COL5A1: variants seen among roughly 807,000 people sequenced by gnomAD.
The protein encoded by COL5A1 is collagen type V alpha 1 chain.
COL5A1 carries 16 observed loss-of-function variants against 263.7 expected under a neutral mutation model. That is an observed-to-expected ratio of 0.06 (90% confidence interval 0.04 to 0.09). The LOEUF is 0.09. Ranked by LOEUF, COL5A1 falls within the 10% of genes least tolerant of loss-of-function variation. The probability of loss-of-function intolerance (pLI) is 1.00; values close to 1 mark genes in which losing one functional copy is unlikely to be tolerated. For missense variants in COL5A1, 2,036 were observed against 2,540.5 expected (o/e 0.80, Z 4.27); for synonymous variants, 1,012 against 1,004.5 (o/e 1.01, Z -0.14).
At chr9:134,692,611 C>T (rs1454788309) in intron 2 of COL5A1, among the ~76,000 whole-genome samples, 3 of 152,202 alleles carry the variant, frequency 2.0e-5, no homozygotes, top group Non-Finnish European at 4.4e-5. Context: ...GAAGTAAGCG[C>T]TCCTGCTTTC....
At chr9:134,646,439 A>G (rs1831477664) in intron 1 of COL5A1, among the ~76,000 whole-genome samples, 2 of 151,922 alleles carry the variant, frequency 1.3e-5, no homozygotes, top group Non-Finnish European at 1.5e-5. Context: ...TCTGGCTTTA[A>G]TCTTGCTCTC....
rs1319222388 is a variant in COL5A1 at position 134,738,502 on chromosome 9, C to T, written c.1418C>T (p.Pro473Leu). The change falls in exon 10 of 66, where the codon CCA becomes CTA. Residue 473 changes from proline to leucine, a missense_variant. Coordinates refer to ENST00000371817, the MANE Select transcript of COL5A1 (RefSeq NM_000093.5). ...ATGCTCATCGAGGGCCCGCCTGGCC[C>T]AGAAGGCCCCGCGGTGAGTATCCGG... ...PGMLIEGPPG[P>L]EGPAGLPGPP... 6.2e-7 allele frequency: 1 copy of T among 1,614,036 alleles called. No homozygotes were observed. Among genetic ancestry groups the T allele is most frequent in the Admixed American group, 1.7e-5 (1 of 60,028 alleles).
chr9:134,683,973 C>T (rs568928679), intron 1 of COL5A1, among the ~76,000 whole-genome samples: 2 of 152,332 alleles, frequency 1.3e-5, no homozygotes, highest in South Asian at 4.1e-4. Context: ...GCTCAGGTTC[C>T]GGATTCCATT....
chr9:134,689,783 C>T (rs1190569868), intron 1 of COL5A1, among the ~76,000 whole-genome samples: 2 of 152,242 alleles, frequency 1.3e-5, no homozygotes, highest in Non-Finnish European at 2.9e-5. Context: ...TCCACATCTA[C>T]TGGGCAGGGC....
intron 1 of COL5A1, among the ~76,000 whole-genome samples, chr9:134,668,975 C>CCATT (rs1832442966): frequency 6.8e-6 from 1 of 147,318 alleles, no homozygotes; most frequent in South Asian, 2.3e-4. Flanking sequence ...ATCCATCCAT[C>CCATT]CATCCATCCA....
At chr9:134,788,634 C>G (rs529429115) in intron 31 of COL5A1, among the ~76,000 whole-genome samples, 71 of 142,724 alleles carry the variant, frequency 5.0e-4, no homozygotes, top group African/African-American at 1.5e-3. Context: ...GATGGATAGA[C>G]AGATAGATGG....
intron 28 of COL5A1, among the ~76,000 whole-genome samples, chr9:134,781,096 G>A (rs1837234559): frequency 6.6e-6 from 1 of 152,254 alleles, no homozygotes; most frequent in Non-Finnish European, 1.5e-5. Flanking sequence ...GATGTCGCTT[G>A]GATCCTTTCT....
chr9:134,774,955 G>A (rs774603047), intron 27 of COL5A1, 43 bp downstream of exon 27: 4 of 1,585,814 alleles, frequency 2.5e-6, no homozygotes, highest in Middle Eastern at 1.7e-4. Context: ...TGGAGGTCAG[G>A]GTTGGGACTG....
intron 1 of COL5A1, among the ~76,000 whole-genome samples, chr9:134,658,713 C>G (rs560557616): frequency 2.0e-5 from 3 of 152,026 alleles, no homozygotes; most frequent in Admixed American, 1.3e-4. Flanking sequence ...TGGAGGGTGG[C>G]GGGGGGTGGG....
At chr9:134,784,926 G>A (rs989088366) in intron 29 of COL5A1, 63 bp from the exon 30 acceptor site, 10 of 1,341,076 alleles carry the variant, frequency 7.5e-6, no homozygotes, top group Admixed American at 1.7e-5. Flanking sequence ...CTCTCAGAAT[G>A]GTGGTGGAGA....
At chr9:134,832,387 C>T (rs1312004282) in intron 64 of COL5A1, among the ~76,000 whole-genome samples, 1 of 152,046 alleles carries the variant, frequency 6.6e-6, no homozygotes, top group African/African-American at 2.4e-5. Context: ...TCCTGGGGGA[C>T]AGGGTGAGAC....
intron 25 of COL5A1, among the ~76,000 whole-genome samples, chr9:134,771,831 C>T (rs56129340): frequency 0.027 from 4,162 of 152,314 alleles, 59 homozygotes; most frequent in East Asian, 0.052. Flanking sequence ...CATCACCCTG[C>T]CCAGCCTCTT....
chr9:134,747,782 C>A (rs1835589612), intron 11 of COL5A1, among the ~76,000 whole-genome samples: 2 of 151,816 alleles, frequency 1.3e-5, no homozygotes, highest in Admixed American at 1.3e-4. Flanking sequence ...GACACATGCA[C>A]ACATGCATTC....
intron 11 of COL5A1, among the ~76,000 whole-genome samples, chr9:134,747,546 T>C (rs1348226990): frequency 6.9e-6 from 1 of 144,644 alleles, no homozygotes; most frequent in African/African-American, 2.6e-5. Flanking sequence ...CACACACACC[T>C]GCATATGCAT....
Position 134,822,011 on chromosome 9 carries a change from G to A in COL5A1, c.4555-86G>A, listed in dbSNP as rs1165772828. ...ACCGTGGGGAAGGGACAGGGGAGCC[G>A]AGGGGTGTGGCTGGGTAGCAGGGTT... is the stretch of plus-strand genomic sequence containing the variant. On this transcript the variant is annotated intron_variant, in intron 58 of 65. Transcript: ENST00000371817. The A allele has an allele frequency of 2.1e-5, 25 of 1,191,094 alleles. No homozygotes were observed. In the East Asian group the frequency reaches 2.3e-4, roughly 11 times the overall value. The allele number at this position is 1,191,094 out of a possible 1,614,324, so 73.8% of individuals were successfully genotyped here.
intron 14 of COL5A1, among the ~76,000 whole-genome samples, chr9:134,752,906 C>T (rs560072705): frequency 2.6e-5 from 4 of 152,242 alleles, no homozygotes; most frequent in Admixed American, 2.6e-4. Flanking sequence ...GAGCTGACAT[C>T]AGCGATCCTG....
intron 1 of COL5A1, among the ~76,000 whole-genome samples, chr9:134,648,039 G>A (rs781404558): frequency 9.9e-5 from 15 of 152,092 alleles, no homozygotes; most frequent in Admixed American, 2.6e-4. Flanking sequence ...CAGACCCACC[G>A]TTAATCGGGA....
At chr9:134,822,412 G>C (rs568361451) in intron 59 of COL5A1, among the ~76,000 whole-genome samples, 5 of 152,332 alleles carry the variant, frequency 3.3e-5, no homozygotes, top group African/African-American at 9.6e-5. Context: ...GAGGCCACTT[G>C]TCTGTAGGCA....
intron 1 of COL5A1, among the ~76,000 whole-genome samples, chr9:134,685,484 CCGTCCATCCATCCATCCATCCAT>C (rs1833023994): frequency 1.2e-5 from 1 of 83,754 alleles, no homozygotes; most frequent in Non-Finnish European, 2.9e-5. Flanking sequence ...ATCCATCCAT[CCGTCCATCCATCCATCCATCCAT>C]CACCATCCAT....
Sources: gnomAD v4.1 joint callset for allele counts (sites outside exome capture counted in the v4.1 genomes callset) on GRCh38, gnomAD v4.1.1 for gene constraint, MANE v1.5 for transcripts, NCBI Gene and HGNC (gene_info 2026-07-23, HGNC 2026-07-21) for gene names.